The following TMPRSS15 variants were observed in gnomAD, a reference collection of about 807,000 sequenced individuals.
The protein encoded by TMPRSS15 is transmembrane serine protease 15, also known as enteropeptidase.
TMPRSS15 carries 128 observed loss-of-function variants against 125.3 expected under a neutral mutation model. That is an observed-to-expected ratio of 1.02 (90% CI 0.89 to 1.18). TMPRSS15 has a LOEUF of 1.18. Ranked by LOEUF, TMPRSS15 falls within the 50% of genes most tolerant of loss-of-function variation. The pLI, the probability that TMPRSS15 is intolerant of heterozygous loss-of-function variation, is 0.00. For synonymous variants in TMPRSS15, 446 were observed against 423.2 expected, an observed-to-expected ratio of 1.05 and a Z score of -0.66; for missense variants, 1,283 against 1,212.7, an observed-to-expected ratio of 1.06 and a Z score of -0.86.
At chr21:18,368,863 C>T (rs769926506) in intron 6 of TMPRSS15, among the ~76,000 whole-genome samples, 8 of 152,044 alleles carry the variant, frequency 5.3e-5, no homozygotes, top group Admixed American at 2.6e-4. Context: ...GCTCAGAATG[C>T]CAAAATATTA....
rs1444108091 is a variant in TMPRSS15, at chr21:18,353,778, A to G, written c.966T>C (p.Ser322=). 1.2e-6 allele frequency: 2 copies of G among 1,611,836 alleles called. No individual in the cohort carries two copies. The highest frequency in any genetic ancestry group is 1.7e-6 in the Non-Finnish European group (2 of 1,178,458). ...TATFLIESDE[S]DYVGFNATYT... The stretch of plus-strand genomic sequence containing the variant: ...ATGTTGCATTAAAGCCAACATAATC[A>G]CTTTCATCAGATTCTATAAGAAAGG... The change falls in exon 9 of 25, where the codon AGT becomes AGC. Residue 322 remains serine (S), a synonymous_variant. Transcript: ENST00000284885.
chr21:18,350,740 AC>A (rs1258963940), intron 10 of TMPRSS15, among the ~76,000 whole-genome samples: 1 of 151,632 alleles, frequency 6.6e-6, no homozygotes, highest in East Asian at 1.9e-4. Context: ...ACACCAAGGA[AC>A]AATTAATTAT....
chr21:18,418,087 G>T (rs961774946), intron 1 of TMPRSS15, among the ~76,000 whole-genome samples: 2 of 152,180 alleles, frequency 1.3e-5, no homozygotes, highest in African/African-American at 2.4e-5. Context: ...GAAATGTATT[G>T]CTCATTTGTT....
Position 18,285,765 on chromosome 21 carries a change from C to T in TMPRSS15, c.2487-4544G>A, listed in dbSNP as rs536863743. On this transcript the variant is annotated intron_variant, in intron 21 of 24. Coordinates refer to ENST00000284885, the MANE Select transcript of TMPRSS15 (RefSeq NM_002772.3). Reference sequence around the variant, plus strand: ...CATATAATGATCATTATCATTACCACAGTTAAAAGAAAAGAGTTGTTTATG... The same window carrying T: ...CATATAATGATCATTATCATTACCATAGTTAAAAGAAAAGAGTTGTTTATG... 1.1e-4 allele frequency among the ~76,000 whole-genome samples: 16 copies of T among 152,236 alleles called. No homozygotes were observed. In the East Asian group the frequency reaches 1.5e-3, roughly 15 times the overall value.
At chr21:18,464,302 G>C (rs992838176) in intron 1 of TMPRSS15, among the ~76,000 whole-genome samples, 4 of 151,510 alleles carry the variant, frequency 2.6e-5, no homozygotes, top group Non-Finnish European at 5.9e-5. Flanking sequence ...GCCCAGAGGA[G>C]AAAGTGGGAA....
At chr21:18,405,483 TG>T (rs2076145439), upstream of TMPRSS15, among the ~76,000 whole-genome samples, 1 of 152,140 alleles carries the variant, frequency 6.6e-6, no homozygotes, top group Admixed American at 6.5e-5. Flanking sequence ...AAACAGGACT[TG>T]CCCTATCAGG....
intron 8 of TMPRSS15, among the ~76,000 whole-genome samples, chr21:18,357,452 A>G (rs576716037): frequency 6.6e-6 from 1 of 151,982 alleles, no homozygotes; most frequent in East Asian, 1.9e-4. Context: ...AATCAGGTAT[A>G]TAACAACTAT....
chr21:18,311,991 A>G (rs1018707505), intron 18 of TMPRSS15, among the ~76,000 whole-genome samples: 2 of 152,198 alleles, frequency 1.3e-5, no homozygotes, highest in African/African-American at 4.8e-5. Context: ...CCTAGAGTTT[A>G]GCATTACAAT....
In TMPRSS15 at chr21:18,365,204, A is replaced by C. The variant is rs1356054457; in HGVS notation, c.709T>G (p.Ser237Ala). Residue 237 changes from serine to alanine, a missense_variant, in exon 7 of 25, where the codon TCT becomes GCT. Coordinates refer to ENST00000284885, the MANE Select transcript of TMPRSS15 (RefSeq NM_002772.3). The stretch of plus-strand genomic sequence containing the variant: ...TTTGGATAATGAGTAGCCTGGAAAG[A>C]CCCAGATGATCCAGTTAACAAAAAT... ...GRFLLTGSSGSFQATHYPKPS... is the reference protein window; with the variant it reads ...GRFLLTGSSGAFQATHYPKPS... 8 of 1,613,984 alleles carry C rather than the reference A, an allele frequency of 5.0e-6. No individual in the cohort carries two copies. Among genetic ancestry groups the C allele is most frequent in the Non-Finnish European group, 6.8e-6 (8 of 1,180,020 alleles).
At chr21:18,402,831 G>A (rs1036343664) in intron 1 of TMPRSS15, among the ~76,000 whole-genome samples, 3 of 152,074 alleles carry the variant, frequency 2.0e-5, no homozygotes, top group Admixed American at 6.6e-5. Context: ...ATACCAATAA[G>A]CTTTCATATG....
chr21:18,290,853 G>C (rs1338118361), intron 21 of TMPRSS15, among the ~76,000 whole-genome samples: 1 of 151,960 alleles, frequency 6.6e-6, no homozygotes, highest in Non-Finnish European at 1.5e-5. Flanking sequence ...AAAGTCTCCT[G>C]ACTTAGAAAG....
intron 1 of TMPRSS15, among the ~76,000 whole-genome samples, chr21:18,475,093 T>A (rs539397247): frequency 6.6e-6 from 1 of 152,288 alleles, no homozygotes; most frequent in African/African-American, 2.4e-5. Context: ...AAGCCCATTG[T>A]TTTGTTTTTT....
At chr21:18,362,784 A>T (rs559411834) in intron 7 of TMPRSS15, among the ~76,000 whole-genome samples, 1 of 152,138 alleles carries the variant, frequency 6.6e-6, no homozygotes, top group Non-Finnish European at 1.5e-5. Context: ...TTCTTTGAAC[A>T]TAGTATTTAG....
intron 6 of TMPRSS15, among the ~76,000 whole-genome samples, chr21:18,365,692 T>TTCCTTCCTTCCTTCCA (rs2075728178): frequency 7.1e-6 from 1 of 139,990 alleles, no homozygotes; most frequent in Non-Finnish European, 1.5e-5. Context: ...CCTTCCTTCC[T>TTCCTTCCTTCCTTCCA]TCCTTCCTAC....
intron 1 of TMPRSS15, among the ~76,000 whole-genome samples, chr21:18,451,881 AAGACATGC>A (rs1446114835): frequency 2.4e-5 from 3 of 124,120 alleles, no homozygotes; most frequent in Non-Finnish European, 5.2e-5. Context: ...TGGCATGCAT[AAGACATGC>A]ATGACATGCA....
intron 13 of TMPRSS15, among the ~76,000 whole-genome samples, chr21:18,337,823 C>T (rs1298986212): frequency 1.3e-5 from 2 of 152,142 alleles, no homozygotes; most frequent in African/African-American, 2.4e-5. Context: ...CAAAAAAGCT[C>T]TACTCAAATA....
chr21:18,389,258 T>TAAGG (rs530149218), intron 3 of TMPRSS15, among the ~76,000 whole-genome samples: 2,604 of 150,366 alleles, frequency 0.017, 42 homozygotes, highest in African/African-American at 0.044. Context: ...AGAAGTAAAT[T>TAAGG]AAGGAAGGAA....
chr21:18,429,878 T>C (rs1183623287), intron 1 of TMPRSS15, among the ~76,000 whole-genome samples: 1 of 152,200 alleles, frequency 6.6e-6, no homozygotes, highest in African/African-American at 2.4e-5. Flanking sequence ...TCTCATTGAG[T>C]ACCTTAATAT....
At chr21:18,353,895 A>G (rs933454066) in intron 8 of TMPRSS15, 32 bp from the exon 9 acceptor site, 6 of 1,588,348 alleles carry the variant, frequency 3.8e-6, no homozygotes, top group Admixed American at 1.7e-5. Flanking sequence ...TGTTATATGT[A>G]TATATCTATC....
Sources: gnomAD v4.1 joint callset for allele counts (sites outside exome capture counted in the v4.1 genomes callset) on GRCh38, gnomAD v4.1.1 for gene constraint, MANE v1.5 for transcripts, NCBI Gene and HGNC (gene_info 2026-07-23, HGNC 2026-07-21) for gene names.